Variants in IMMP2L observed in about 807,000 individuals in gnomAD.
IMMP2L encodes the protein mitochondrial inner membrane protease subunit 2.
A neutral mutation model predicts 19.3 loss-of-function variants in IMMP2L; 18 were observed. The observed-to-expected ratio is 0.93, with a 90% CI of 0.64 to 1.38. IMMP2L has a LOEUF of 1.38. Among genes scored for constraint, IMMP2L ranks in the 40% most tolerant of loss-of-function variants. The pLI is 0.00. For synonymous variants in IMMP2L, 76 were observed against 73.0 expected (o/e 1.04, Z -0.21); for missense variants, 233 against 218.2 (o/e 1.07, Z -0.43).
At chr7:111,080,877 G>A (rs574436850) in intron 3 of IMMP2L, among the ~76,000 whole-genome samples, 1 of 152,290 alleles carries the variant, frequency 6.6e-6, no homozygotes, top group South Asian at 2.1e-4. Flanking sequence ...AAACTTCATA[G>A]TAAGTTTCAG....
chr7:111,228,175 A>G (rs62466688), intron 3 of IMMP2L, among the ~76,000 whole-genome samples: 4,719 of 152,206 alleles, frequency 0.031, 114 homozygotes, highest in Non-Finnish European at 0.049. Context: ...ACACAAAATA[A>G]TTCTACTCCT....
rs1799949382 is a variant in IMMP2L at position 110,784,599 on chromosome 7, T to C, written c.408+101994A>G. ...AAAATGTAAATGTGATCACCCCTCATCCATGCTTAAAGCTTTAAAGATGTA... is the reference window on the plus strand; with the variant it reads ...AAAATGTAAATGTGATCACCCCTCACCCATGCTTAAAGCTTTAAAGATGTA... On this transcript the variant is annotated intron_variant, in intron 5 of 5. Coordinates refer to ENST00000405709, the MANE Select transcript of IMMP2L (RefSeq NM_032549.4). Among the ~76,000 whole-genome samples, 8 of 152,092 alleles carry C rather than the reference T, an allele frequency of 5.3e-5. No homozygotes were observed. The South Asian group carries it at 1.7e-3, about 31-fold the overall frequency.
chr7:111,501,659 G>A (rs978713441), intron 2 of IMMP2L, among the ~76,000 whole-genome samples: 5 of 152,046 alleles, frequency 3.3e-5, no homozygotes, highest in African/African-American at 1.2e-4. Flanking sequence ...AGAGAGTGGG[G>A]GCCAATATTC....
intron 3 of IMMP2L, among the ~76,000 whole-genome samples, chr7:111,415,668 A>C (rs1834893332): frequency 6.6e-6 from 1 of 151,842 alleles, no homozygotes; most frequent in Non-Finnish European, 1.5e-5. Flanking sequence ...AAGCCAAATT[A>C]TAACTAGTAT....
At chr7:110,880,596 G>T (rs536969308) in intron 5 of IMMP2L, among the ~76,000 whole-genome samples, 1 of 151,370 alleles carries the variant, frequency 6.6e-6, no homozygotes, top group Non-Finnish European at 1.5e-5. Flanking sequence ...TCTTATGGGC[G>T]CCTCATATTT....
At chr7:110,743,782 G>A (rs1797145317) in intron 5 of IMMP2L, among the ~76,000 whole-genome samples, 1 of 152,106 alleles carries the variant, frequency 6.6e-6, no homozygotes, top group Admixed American at 6.5e-5. Flanking sequence ...ATTCCTTCTG[G>A]TGCCTACACC....
chr7:111,285,134 G>T (rs1368217793), intron 3 of IMMP2L, among the ~76,000 whole-genome samples: 1 of 151,950 alleles, frequency 6.6e-6, no homozygotes, highest in Non-Finnish European at 1.5e-5. Flanking sequence ...AGAGGATATA[G>T]CTTACCCTAT....
In IMMP2L at chr7:110,877,643, AT is replaced by A. The variant is rs1809213960; in HGVS notation, c.408+8949del. Reference sequence around the variant, plus strand: ...CCCTGCTAATGACTTTACACTAGCTATTTTGAGCCAGACTGCGCTTAGGCCT... The same window carrying A: ...CCCTGCTAATGACTTTACACTAGCTATTTGAGCCAGACTGCGCTTAGGCCT... On this transcript the variant is annotated intron_variant, in intron 5 of 5. Coordinates refer to ENST00000405709, the MANE Select transcript of IMMP2L (RefSeq NM_032549.4). The surrounding 1 kb of genome is among the most constrained non-coding windows in gnomAD (Gnocchi z 4.0). Among the ~76,000 whole-genome samples the A allele has an allele frequency of 6.6e-6, 1 of 152,154 alleles. No individual in the cohort carries two copies. The highest frequency in any genetic ancestry group is 1.5e-5 in the Non-Finnish European group (1 of 68,030).
At chr7:110,946,167 G>T (rs545910903) in intron 4 of IMMP2L, among the ~76,000 whole-genome samples, 1 of 152,244 alleles carries the variant, frequency 6.6e-6, no homozygotes, top group South Asian at 2.1e-4. Flanking sequence ...CATCTCCAAA[G>T]TTTCCGATTC....
intron 2 of IMMP2L, among the ~76,000 whole-genome samples, chr7:111,499,508 A>G (rs985301236): frequency 1.3e-5 from 2 of 152,170 alleles, no homozygotes; most frequent in Non-Finnish European, 1.5e-5. Context: ...TCTAGGGTGC[A>G]GCTCATCTCA....
At position 110,760,780 on chromosome 7, in the gene IMMP2L, G is replaced by A. The variant is rs764526582; in HGVS notation, c.409-97059C>T. Among the ~76,000 whole-genome samples, 11 of 152,150 alleles carry A rather than the reference G, an allele frequency of 7.2e-5. No individual in the cohort carries two copies. Among genetic ancestry groups the A allele is most frequent in the Middle Eastern group, 3.4e-3 (1 of 294 alleles). Reference sequence around the variant, plus strand: ...TTTGCTGACTATTGTTAACAGCTCTGACTAAACACCTATTTCTTACTACAA... The same window carrying A: ...TTTGCTGACTATTGTTAACAGCTCTAACTAAACACCTATTTCTTACTACAA... On this transcript the variant is annotated intron_variant, in intron 5 of 5. Coordinates refer to ENST00000405709, the MANE Select transcript of IMMP2L (RefSeq NM_032549.4). This position sits in a 1 kb window ranked among gnomAD's most constrained non-coding sequence, Gnocchi z 4.2.
chr7:110,985,293 G>A (rs1821739592), intron 3 of IMMP2L, among the ~76,000 whole-genome samples: 1 of 151,968 alleles, frequency 6.6e-6, no homozygotes, highest in African/African-American at 2.4e-5. Context: ...CAGCAGCAAT[G>A]GAAAACTAAT....
At chr7:110,724,227 C>T (rs1383454252) in intron 5 of IMMP2L, 1 of 152,130 alleles carries the variant, frequency 6.6e-6, no homozygotes, top group Non-Finnish European at 1.5e-5. Context: ...CAAGTGATCA[C>T]CATTTATCTG....
chr7:110,836,490 C>T (rs560618699), intron 5 of IMMP2L, among the ~76,000 whole-genome samples: 54 of 152,230 alleles, frequency 3.5e-4, no homozygotes, highest in Middle Eastern at 3.4e-3. Context: ...TCTGTACAAG[C>T]TCTCTTCTCT....
intron 3 of IMMP2L, among the ~76,000 whole-genome samples, chr7:111,301,036 G>T (rs1822176384): frequency 6.6e-6 from 1 of 151,996 alleles, no homozygotes. Context: ...TTCCAGAGTG[G>T]CTGTACAATT....
At chr7:110,666,213 C>T (rs145220184) in intron 5 of IMMP2L, among the ~76,000 whole-genome samples, 237 of 152,222 alleles carry the variant, frequency 1.6e-3, no homozygotes, top group African/African-American at 5.6e-3. Flanking sequence ...TACCTTGCAC[C>T]TAATACCTGC....
chr7:111,269,365 A>G (rs1818197850), intron 3 of IMMP2L, among the ~76,000 whole-genome samples: 1 of 152,204 alleles, frequency 6.6e-6, no homozygotes, highest in African/African-American at 2.4e-5. Flanking sequence ...GACTGAACAA[A>G]TGATAGAATT....
chr7:110,876,282 A>C (rs1809058569), intron 5 of IMMP2L, among the ~76,000 whole-genome samples: 3 of 151,192 alleles, frequency 2.0e-5, no homozygotes, highest in Non-Finnish European at 4.4e-5. Context: ...GAAACATGCG[A>C]GAACTTTACC....
chr7:111,461,758 A>G (rs1840155443), intron 3 of IMMP2L, among the ~76,000 whole-genome samples: 1 of 152,130 alleles, frequency 6.6e-6, no homozygotes, highest in Admixed American at 6.6e-5. Context: ...TGATTTACCT[A>G]CAGGAATGTT....
Sources: gnomAD v4.1 joint callset for allele counts (sites outside exome capture counted in the v4.1 genomes callset) on GRCh38, gnomAD v4.1.1 for gene constraint, Gnocchi (gnomAD v3.1) non-coding constraint, MANE v1.5 for transcripts, NCBI Gene and HGNC (gene_info 2026-07-23, HGNC 2026-07-21) for gene names.